The following TRHDE variants were observed in gnomAD, a reference collection of about 807,000 sequenced individuals.
TRHDE encodes the protein thyrotropin releasing hormone degrading enzyme, also known as thyrotropin-releasing hormone-degrading ectoenzyme.
Under a neutral mutation model 125.7 loss-of-function variants are expected in TRHDE, and 72 were observed. The observed-to-expected ratio is 0.57, with a 90% CI of 0.47 to 0.70. TRHDE has a LOEUF of 0.70. Among genes scored for constraint, TRHDE ranks in the 30% least tolerant of loss-of-function variants. The pLI, the probability that TRHDE is intolerant of heterozygous loss-of-function variation, is 0.00. For missense variants in TRHDE, 1,110 were observed against 1,327.1 expected (o/e 0.84, Z 2.54); for synonymous variants, 509 against 509.1 (o/e 1.00, Z 0.00).
At chr12:72,384,486 G>C (rs1449108177) in intron 3 of TRHDE, among the ~76,000 whole-genome samples, 1 of 152,136 alleles carries the variant, frequency 6.6e-6, no homozygotes, top group African/African-American at 2.4e-5. Context: ...TATGTTGAAA[G>C]AGGGATCATT....
chr12:72,581,550 AT>A lies in TRHDE; in HGVS notation c.2321+6012del, dbSNP rs1328180609. Among the ~76,000 whole-genome samples, 4 of 152,238 alleles carry A rather than the reference AT, an allele frequency of 2.6e-5. No individual in the cohort carries two copies. In the East Asian group the frequency reaches 7.7e-4, roughly 29 times the overall value. ...AGTCACCAGTTTCCTGGAATATTCA[AT>A]TTTGCAAAACACGTGCATATCTATT... On this transcript the variant is annotated intron_variant, in intron 12 of 18. Coordinates refer to ENST00000261180, the MANE Select transcript of TRHDE (RefSeq NM_013381.3).
chr12:72,523,124 C>G (rs1592510633), intron 6 of TRHDE, among the ~76,000 whole-genome samples: 1 of 151,994 alleles, frequency 6.6e-6, no homozygotes, highest in Admixed American at 6.6e-5. Context: ...ACATGAGAAA[C>G]TTGTCGCAAG....
chr12:72,421,532 C>G (rs753442794), intron 3 of TRHDE, among the ~76,000 whole-genome samples: 4 of 152,160 alleles, frequency 2.6e-5, no homozygotes, highest in Non-Finnish European at 4.4e-5. Context: ...TTCTTTTGAT[C>G]TGGCCTCTAA....
At chr12:72,179,316 C>A (rs1877049682) in intron 2 of TRHDE, among the ~76,000 whole-genome samples, 1 of 152,058 alleles carries the variant, frequency 6.6e-6, no homozygotes, top group Admixed American at 6.6e-5. Flanking sequence ...AAGCTATTGG[C>A]ATGAGTTTTG....
Position 72,155,469 on chromosome 12 carries a change from T to C in TRHDE, n.279+49717T>C, listed in dbSNP as rs541209507. 3.9e-5 allele frequency among the ~76,000 whole-genome samples: 6 copies of C among 152,338 alleles called. No individual in the cohort carries two copies. In the South Asian group the frequency reaches 1.2e-3, roughly 32 times the overall value. ...TTCCTTTGGAGGAGGAGAGGCGCTC[T>C]GATTTTTAGAGTTTCCGGTTTTTCT... On this transcript the variant is annotated intron_variant and non_coding_transcript_variant, in intron 2 of 4. Transcript: ENST00000548156.
At chr12:72,424,543 G>T (rs1231305417) in intron 3 of TRHDE, among the ~76,000 whole-genome samples, 5 of 152,142 alleles carry the variant, frequency 3.3e-5, no homozygotes, top group Non-Finnish European at 1.5e-5. Flanking sequence ...TAATCAATTT[G>T]TATTGTTTTA....
chr12:72,364,635 C>G, intron 2 of TRHDE, among the ~76,000 whole-genome samples: 1 of 151,852 alleles, frequency 6.6e-6, no homozygotes, highest in East Asian at 1.9e-4. Context: ...CAGAGGGATG[C>G]CAGCATTATT....
chr12:72,655,380 A>G lies in TRHDE; in HGVS notation c.2985-1547A>G, dbSNP rs544616431. Among the ~76,000 whole-genome samples, 5 of 152,250 alleles carry G rather than the reference A, an allele frequency of 3.3e-5. No homozygotes were observed. In the East Asian group the frequency reaches 5.8e-4, roughly 18 times the overall value. On this transcript the variant is annotated intron_variant, in intron 17 of 18. Coordinates refer to ENST00000261180, the MANE Select transcript of TRHDE (RefSeq NM_013381.3). The stretch of plus-strand genomic sequence containing the variant: ...TGAGCCACCGCCTTGGCCTGTATGC[A>G]CTGTTAATATCAAACTGCTTGTAGT...
chr12:72,238,303 TA>T (rs1878386329), intron 2 of TRHDE, among the ~76,000 whole-genome samples: 1 of 32,046 alleles, frequency 3.1e-5, no homozygotes, highest in African/African-American at 1.2e-4. Flanking sequence ...TATATATATA[TA>T]TATATATATA....
chr12:72,540,634 G>A lies in TRHDE; in HGVS notation c.1723-1657G>A, dbSNP rs1308007890. 1.5e-4 allele frequency among the ~76,000 whole-genome samples: 22 copies of A among 151,678 alleles called. No homozygotes were observed. The East Asian group carries it at 4.1e-3, about 28-fold the overall frequency. On this transcript the variant is annotated intron_variant, in intron 6 of 18. Coordinates refer to ENST00000261180, the MANE Select transcript of TRHDE (RefSeq NM_013381.3). ...GAAAAATGGACAGTTTCCACCCTCG[G>A]GATGGGTCGATTATACTGGGAAATA...
rs770620065 is a variant in TRHDE, at chr12:72,273,546, C to A, written c.903C>A (p.His301Gln). 6.3e-6 allele frequency: 10 copies of A among 1,597,214 alleles called. No homozygotes were observed. Among genetic ancestry groups the A allele is most frequent in the East Asian group, 2.2e-5 (1 of 44,722 alleles). Residue 301 changes from histidine (H) to glutamine (Q), a missense_variant, in exon 1 of 19, where the codon CAC becomes CAA. His to Gln is a conservative substitution (Grantham distance 24, BLOSUM62 0). This residue lies in a region of TRHDE where 252 missense variants were observed against 274.8 expected (regional missense o/e 0.92). Transcript: ENST00000261180. This position sits in a 1 kb window ranked among gnomAD's most constrained non-coding sequence, Gnocchi z 5.3. ...LGFFRSSYVL[H>Q]GERRFLGVTQ... ...TCTTCCGCAGCTCCTATGTGCTCCA[C>A]GGGGAGAGAAGGTATGGAGGGAGGC...
intron 1 of TRHDE, among the ~76,000 whole-genome samples, chr12:72,098,652 GTATGT>G (rs925679083): frequency 6.6e-6 from 1 of 152,060 alleles, no homozygotes; most frequent in Non-Finnish European, 1.5e-5. Context: ...TCCTCCCTTG[GTATGT>G]TTTCCTGAGA....
chr12:72,484,207 A>C (rs928360532), intron 5 of TRHDE, among the ~76,000 whole-genome samples: 1 of 152,162 alleles, frequency 6.6e-6, no homozygotes, highest in South Asian at 2.1e-4. Flanking sequence ...GAGATTCCTT[A>C]TGACTAATGT....
At chr12:72,525,788 A>G (rs1868325205) in intron 6 of TRHDE, among the ~76,000 whole-genome samples, 1 of 152,114 alleles carries the variant, frequency 6.6e-6, no homozygotes, top group Non-Finnish European at 1.5e-5. Context: ...GCAGATCAAT[A>G]CTTAAATTTT....
chr12:72,646,583 A>C (rs1433194289), intron 15 of TRHDE, among the ~76,000 whole-genome samples: 1 of 152,106 alleles, frequency 6.6e-6, no homozygotes, highest in Non-Finnish European at 1.5e-5. Context: ...CAGTGTTGGT[A>C]AGAGTCTCAC....
chr12:72,455,708 G>A (rs959973447), intron 3 of TRHDE, among the ~76,000 whole-genome samples: 7 of 152,080 alleles, frequency 4.6e-5, no homozygotes, highest in African/African-American at 1.7e-4. Flanking sequence ...TGAGATGTTA[G>A]AAGTGTCAGA....
intron 7 of TRHDE, among the ~76,000 whole-genome samples, chr12:72,544,126 G>A (rs546543732): frequency 4.6e-5 from 7 of 151,402 alleles, no homozygotes; most frequent in East Asian, 1.9e-4. Context: ...TCAGTACTTC[G>A]CTTGCAGCTT....
intron 2 of TRHDE, among the ~76,000 whole-genome samples, chr12:72,211,556 A>G (rs906609809): frequency 5.3e-5 from 8 of 152,210 alleles, no homozygotes; most frequent in Non-Finnish European, 8.8e-5. Context: ...TACCATTTCT[A>G]AAATATTCAG....
At position 72,611,230 on chromosome 12, in the gene TRHDE, A is replaced by G. The variant is rs185868108; in HGVS notation, c.2322-7661A>G. 263 of 189,648 alleles carry G rather than the reference A, an allele frequency of 1.4e-3. 1 individual carries two copies. Among genetic ancestry groups the G allele is most frequent in the African/African-American group, 5.6e-3 (242 of 42,956 alleles). The allele number at this position is 189,648 out of a possible 1,614,324, so 11.7% of individuals were successfully genotyped here. A position where few individuals can be genotyped will look rare whatever the true frequency, so the allele number is the denominator to read the frequency against. The stretch of plus-strand genomic sequence containing the variant: ...GCCAAAATTCTTCAGTGTTATCACC[A>G]GAGCACACACCAGACCCTCAGTGGC... On this transcript the variant is annotated intron_variant, in intron 12 of 18. Coordinates refer to ENST00000261180, the MANE Select transcript of TRHDE (RefSeq NM_013381.3).
Sources: gnomAD v4.1 joint callset for allele counts (sites outside exome capture counted in the v4.1 genomes callset) on GRCh38, gnomAD v4.1.1 for gene constraint, gnomAD v4.1.1 regional missense constraint, Gnocchi (gnomAD v3.1) non-coding constraint, MANE v1.5 for transcripts, NCBI Gene and HGNC (gene_info 2026-07-23, HGNC 2026-07-21) for gene names.